CREB5: variants seen among roughly 807,000 people sequenced by gnomAD.
The protein encoded by CREB5 is cyclic AMP-responsive element-binding protein 5.
In CREB5, 19 loss-of-function variants were observed where a neutral mutation model predicts 57.1. That is an observed-to-expected ratio of 0.33 (90% CI 0.23 to 0.49). The LOEUF is 0.49. Ranked by LOEUF, CREB5 falls within the 20% of genes least tolerant of loss-of-function variation. The probability of loss-of-function intolerance (pLI) is 0.99; values close to 1 mark genes in which losing one functional copy is unlikely to be tolerated. For synonymous variants in CREB5, 238 were observed against 238.3 expected, an observed-to-expected ratio of 1.00 and a Z score of 0.01; for missense variants, 579 against 671.6, an observed-to-expected ratio of 0.86 and a Z score of 1.52.
In CREB5 at chr7:28,308,171, G is replaced by A. The variant is rs556941977; in HGVS notation, c.-25+8730G>A. ...ATGAGTCCGTTTCCTAAGGCAACAG[G>A]AAACCTTGGAAGAATTTTAATTAAG... On this transcript the variant is annotated intron_variant, in intron 1 of 9. Coordinates refer to the CREB5 transcript ENST00000396299. Among the ~76,000 whole-genome samples the A allele has an allele frequency of 5.0e-4, 76 of 152,344 alleles. 1 individual carries two copies. In the South Asian group the frequency reaches 0.015, roughly 30 times the overall value.
chr7:28,569,760 C>G (rs973135106), intron 4 of CREB5, among the ~76,000 whole-genome samples: 2 of 152,190 alleles, frequency 1.3e-5, no homozygotes, highest in Admixed American at 1.3e-4. Context: ...TATGAAAATA[C>G]AGCAGAAAGC....
intron 1 of CREB5, among the ~76,000 whole-genome samples, chr7:28,353,572 G>A (rs144576832): frequency 1.2e-3 from 177 of 152,168 alleles, no homozygotes; most frequent in African/African-American, 4.0e-3. Flanking sequence ...GTCCAGGCGC[G>A]GTGGCTCACA....
intron 9 of CREB5, among the ~76,000 whole-genome samples, chr7:28,816,637 A>C (rs1242427927): frequency 6.6e-6 from 1 of 152,224 alleles, no homozygotes; most frequent in Non-Finnish European, 1.5e-5. Context: ...TTTCACCAAG[A>C]AATTTAGAAA....
At chr7:28,735,570 G>C (rs1803927651) in intron 7 of CREB5, among the ~76,000 whole-genome samples, 2 of 152,286 alleles carry the variant, frequency 1.3e-5, no homozygotes, top group South Asian at 4.1e-4. Flanking sequence ...AAAATATAAG[G>C]AGTGTAAGTG....
intron 1 of CREB5, among the ~76,000 whole-genome samples, chr7:28,356,790 A>G (rs1351327632): frequency 6.6e-6 from 1 of 152,180 alleles, no homozygotes; most frequent in Non-Finnish European, 1.5e-5. Flanking sequence ...GCACACACAC[A>G]CTGTTTCTTA....
chr7:28,376,071 G>A (rs1043489775), intron 1 of CREB5, among the ~76,000 whole-genome samples: 1 of 152,138 alleles, frequency 6.6e-6, no homozygotes, highest in African/African-American at 2.4e-5. Flanking sequence ...GTTGCATGTG[G>A]ATTATAAGAG....
At chr7:28,739,805 C>CTTACCTT (rs1248005126) in intron 7 of CREB5, among the ~76,000 whole-genome samples, 1 of 152,118 alleles carries the variant, frequency 6.6e-6, no homozygotes, top group Admixed American at 6.5e-5. Context: ...CATTAAATTC[C>CTTACCTT]TTACCTTGGT....
intron 5 of CREB5, among the ~76,000 whole-genome samples, chr7:28,663,199 C>G (rs749551678): frequency 6.6e-6 from 1 of 151,014 alleles, no homozygotes; most frequent in Admixed American, 6.6e-5. Context: ...AGAGGAAAAG[C>G]TCTCCCTTCA....
chr7:28,431,127 G>A (rs1788694485), intron 1 of CREB5, among the ~76,000 whole-genome samples: 1 of 152,126 alleles, frequency 6.6e-6, no homozygotes, highest in Non-Finnish European at 1.5e-5. Flanking sequence ...GCGAGAGATG[G>A]GAGTCTCAGA....
At chr7:28,404,924 G>C (rs569874281) in intron 1 of CREB5, among the ~76,000 whole-genome samples, 89 of 152,250 alleles carry the variant, frequency 5.8e-4, no homozygotes, top group African/African-American at 1.9e-3. Context: ...TCTCATCTCT[G>C]CCATGCCCCA....
At chr7:28,800,100 TATTA>T (rs1382375692) in intron 7 of CREB5, among the ~76,000 whole-genome samples, 3 of 152,246 alleles carry the variant, frequency 2.0e-5, no homozygotes, top group African/African-American at 7.2e-5. Context: ...GGTTGATGAA[TATTA>T]ATTAAATAAT....
At chr7:28,543,888 C>T (rs776864018) in intron 4 of CREB5, among the ~76,000 whole-genome samples, 8 of 150,300 alleles carry the variant, frequency 5.3e-5, no homozygotes, top group Non-Finnish European at 1.0e-4. Flanking sequence ...ATGTGATTCA[C>T]CATATTAACC....
chr7:28,714,598 A>T (rs1802573192), intron 5 of CREB5, among the ~76,000 whole-genome samples: 1 of 152,246 alleles, frequency 6.6e-6, no homozygotes, highest in African/African-American at 2.4e-5. Flanking sequence ...TCGGGGGGAA[A>T]AATGAGGACA....
In CREB5 at chr7:28,723,468, A is replaced by G. The variant is rs543226746; in HGVS notation, c.592-754A>G. On this transcript the variant is annotated intron_variant, in intron 6 of 10. Coordinates refer to ENST00000357727, the MANE Select transcript of CREB5 (RefSeq NM_182898.4). ...GCAGGAAGACAATGTGAGAGCGGCC[A>G]TTCATGTGAAATACAAAACCCTCGG... Among the ~76,000 whole-genome samples the G allele has an allele frequency of 1.6e-3, 248 of 152,314 alleles. 2 individuals are homozygous for G. Among genetic ancestry groups the G allele is most frequent in the Admixed American group, 3.6e-3 (55 of 15,298 alleles).
intron 1 of CREB5, among the ~76,000 whole-genome samples, chr7:28,428,220 G>A (rs935858167): frequency 6.6e-6 from 1 of 152,188 alleles, no homozygotes; most frequent in South Asian, 2.1e-4. Context: ...CAGATGTAGA[G>A]ACAAGGAGGG....
At chr7:28,742,490 T>C (rs6950336) in intron 7 of CREB5, among the ~76,000 whole-genome samples, 83,651 of 151,246 alleles carry the variant, frequency 0.55, 23,678 homozygotes, top group Middle Eastern at 0.61. Flanking sequence ...GGCGTGAACC[T>C]GGGAGGCGGA....
chr7:28,528,107 G>A (rs2128620069), intron 4 of CREB5, among the ~76,000 whole-genome samples: 1 of 152,292 alleles, frequency 6.6e-6, no homozygotes, highest in East Asian at 1.9e-4. Flanking sequence ...GTTTAGTTCA[G>A]GCCAGAGCTA....
At chr7:28,666,896 T>C (rs1799847957) in intron 5 of CREB5, among the ~76,000 whole-genome samples, 1 of 151,062 alleles carries the variant, frequency 6.6e-6, no homozygotes, top group Non-Finnish European at 1.5e-5. Context: ...ATTATGCCAC[T>C]GTACTCCAGC....
chr7:28,519,641 T>C (rs370903481), intron 4 of CREB5, among the ~76,000 whole-genome samples: 1 of 152,152 alleles, frequency 6.6e-6, no homozygotes, highest in African/African-American at 2.4e-5. Flanking sequence ...CAGTCTGTGA[T>C]GGTGGGAGAG....
Sources: gnomAD v4.1 joint callset for allele counts (sites outside exome capture counted in the v4.1 genomes callset) on GRCh38, gnomAD v4.1.1 for gene constraint, MANE v1.5 for transcripts, NCBI Gene and HGNC (gene_info 2026-07-23, HGNC 2026-07-21) for gene names.